Variants in SH3BGRL2 observed in about 807,000 individuals in gnomAD.
SH3BGRL2 encodes SH3 domain binding glutamate rich protein like 2.
In SH3BGRL2, 21 loss-of-function variants were observed where a neutral mutation model predicts 14.8. The ratio of observed to expected loss-of-function variants is 1.42; its 90% confidence interval spans 1.01 to 2.05. The LOEUF is 2.05. Among genes scored for constraint, SH3BGRL2 ranks in the 30% most tolerant of loss-of-function variants. The pLI is 0.00. For synonymous variants in SH3BGRL2, 50 were observed against 47.8 expected, an observed-to-expected ratio of 1.05 and a Z score of -0.19; for missense variants, 147 against 130.8, an observed-to-expected ratio of 1.12 and a Z score of -0.61.
chr6:79,570,101 C>T, the SH3BGRL2 span, among the ~76,000 whole-genome samples: 8 of 152,142 alleles, frequency 5.3e-5, no homozygotes, highest in Admixed American at 1.3e-4. Context: ...ATTTCCCCTT[C>T]CTTTTTCACA....
intron 2 of SH3BGRL2, among the ~76,000 whole-genome samples, chr6:79,683,639 G>A (rs1246903390): frequency 6.6e-6 from 1 of 151,998 alleles, no homozygotes; most frequent in African/African-American, 2.4e-5. Context: ...AGTAGAGACG[G>A]GGTTTCACCA....
At chr6:79,615,694 A>G in the SH3BGRL2 span, among the ~76,000 whole-genome samples, 1 of 152,192 alleles carries the variant, frequency 6.6e-6, no homozygotes, top group Non-Finnish European at 1.5e-5. Flanking sequence ...TTCTTTCTGT[A>G]TGTGAGTTGT....
the SH3BGRL2 span, among the ~76,000 whole-genome samples, chr6:79,539,050 G>A: frequency 7.2e-5 from 11 of 152,050 alleles, no homozygotes; most frequent in Admixed American, 2.0e-4. Context: ...TAAGACGCTG[G>A]GAGAATCCAA....
the SH3BGRL2 span, among the ~76,000 whole-genome samples, chr6:79,538,248 T>C: frequency 6.6e-6 from 1 of 152,000 alleles, no homozygotes; most frequent in Non-Finnish European, 1.5e-5. Flanking sequence ...CTATTGTTAA[T>C]TTCTCACTGG....
At chr6:79,549,863 T>C in the SH3BGRL2 span, among the ~76,000 whole-genome samples, 1 of 152,136 alleles carries the variant, frequency 6.6e-6, no homozygotes, top group Non-Finnish European at 1.5e-5. Context: ...AAACATTCAG[T>C]GGGCTACTGA....
At chr6:79,569,508 G>C in the SH3BGRL2 span, among the ~76,000 whole-genome samples, 28 of 152,034 alleles carry the variant, frequency 1.8e-4, no homozygotes, top group African/African-American at 6.0e-4. Context: ...TTCTTTCAGG[G>C]CCTGCTATCG....
At chr6:79,596,318 C>T in the SH3BGRL2 span, among the ~76,000 whole-genome samples, 1 of 151,834 alleles carries the variant, frequency 6.6e-6, no homozygotes, top group Non-Finnish European at 1.5e-5. Flanking sequence ...TGCCACTGTG[C>T]TGATTTGTTA....
intron 3 of SH3BGRL2, 54 bp from the exon 4 acceptor site, chr6:79,699,444 G>A (rs1021120269): frequency 1.0e-5 from 15 of 1,447,704 alleles, no homozygotes; most frequent in African/African-American, 1.6e-5. Flanking sequence ...TTTTCTTGTC[G>A]ATGTAATGCA....
chr6:79,585,647 A>G, the SH3BGRL2 span, among the ~76,000 whole-genome samples: 2 of 152,102 alleles, frequency 1.3e-5, no homozygotes, highest in African/African-American at 4.8e-5. Flanking sequence ...CATGAATTCA[A>G]ATATTGCTCA....
At chr6:79,567,079 A>G in the SH3BGRL2 span, among the ~76,000 whole-genome samples, 2 of 152,240 alleles carry the variant, frequency 1.3e-5, no homozygotes, top group African/African-American at 2.4e-5. Flanking sequence ...GTAATGTTTC[A>G]TGTTTTTTAA....
At chr6:79,576,609 G>C in the SH3BGRL2 span, among the ~76,000 whole-genome samples, 2 of 151,992 alleles carry the variant, frequency 1.3e-5, no homozygotes, top group Non-Finnish European at 2.9e-5. Context: ...TCTAAATCTA[G>C]TTTTCTATAG....
chr6:79,612,489 A>G, the SH3BGRL2 span, among the ~76,000 whole-genome samples: 2 of 152,188 alleles, frequency 1.3e-5, no homozygotes, highest in Non-Finnish European at 2.9e-5. Flanking sequence ...TCTAACAATA[A>G]GTGGGTAAGA....
At chr6:79,634,166 CTA>C (rs1406630958) in intron 1 of SH3BGRL2, among the ~76,000 whole-genome samples, 3 of 152,184 alleles carry the variant, frequency 2.0e-5, no homozygotes, top group Non-Finnish European at 2.9e-5. Context: ...TTTAAACAAT[CTA>C]TTTAGAGAAA....
the SH3BGRL2 span, among the ~76,000 whole-genome samples, chr6:79,557,603 A>G: frequency 2.0e-5 from 3 of 152,200 alleles, no homozygotes; most frequent in African/African-American, 7.2e-5. Context: ...CCATCCCAAT[A>G]TCATGTAATA....
the SH3BGRL2 span, among the ~76,000 whole-genome samples, chr6:79,580,661 A>G: frequency 7.1e-3 from 1,077 of 152,350 alleles, 13 homozygotes; most frequent in African/African-American, 0.024. Context: ...AGGGAAATTT[A>G]TAGCACTAAA....
the SH3BGRL2 span, among the ~76,000 whole-genome samples, chr6:79,615,835 T>C: frequency 6.8e-6 from 1 of 147,136 alleles, no homozygotes; most frequent in African/African-American, 2.5e-5. Flanking sequence ...TTTCTTTCTT[T>C]TTTTTTTTTT....
At chr6:79,684,344 C>G (rs1246075675) in intron 2 of SH3BGRL2, among the ~76,000 whole-genome samples, 1 of 152,074 alleles carries the variant, frequency 6.6e-6, no homozygotes, top group African/African-American at 2.4e-5. Context: ...GCCCAGCAAA[C>G]TTGTGCCTTA....
At chr6:79,572,488 C>T in the SH3BGRL2 span, among the ~76,000 whole-genome samples, 7 of 148,148 alleles carry the variant, frequency 4.7e-5, no homozygotes, top group East Asian at 1.9e-4. Context: ...TATTTTGAGA[C>T]ATAGTCTCAC....
the SH3BGRL2 span, among the ~76,000 whole-genome samples, chr6:79,563,576 T>C: frequency 0.99 from 150,271 of 152,194 alleles, 74,217 homozygotes; most frequent in East Asian, 1. Flanking sequence ...TTGCTGGTTT[T>C]GGAACTGTAA....
Sources: gnomAD v4.1 joint callset for allele counts (sites outside exome capture counted in the v4.1 genomes callset) on GRCh38, gnomAD v4.1.1 for gene constraint, MANE v1.5 for transcripts, NCBI Gene and HGNC (gene_info 2026-07-23, HGNC 2026-07-21) for gene names.